The following MSL2 variants were observed in gnomAD, a reference collection of about 807,000 sequenced individuals.
MSL2 encodes E3 ubiquitin-protein ligase MSL2.
Under a neutral mutation model 35.8 loss-of-function variants are expected in MSL2, and 2 were observed. The ratio of observed to expected loss-of-function variants is 0.06; its 90% CI spans 0.02 to 0.18. The LOEUF (loss-of-function observed/expected upper bound fraction) is 0.18, where lower values mean the gene tolerates loss of function less well. Ranked by LOEUF, MSL2 falls within the 10% of genes least tolerant of loss-of-function variation. The probability of loss-of-function intolerance (pLI) is 1.00; values close to 1 mark genes in which losing one functional copy is unlikely to be tolerated. For synonymous variants in MSL2, 296 were observed against 255.7 expected, an observed-to-expected ratio of 1.16 and a Z score of -1.50; for missense variants, 523 against 706.7, an observed-to-expected ratio of 0.74 and a Z score of 2.95.
intron 1 of MSL2, among the ~76,000 whole-genome samples, chr3:136,177,388 C>T (rs1576369229): frequency 1.3e-5 from 2 of 152,024 alleles, no homozygotes; most frequent in South Asian, 2.1e-4. Context: ...AAAAATAATG[C>T]TACAGGCCGG....
At chr3:136,167,837 C>CA (rs1939894603) in intron 1 of MSL2, among the ~76,000 whole-genome samples, 1 of 152,122 alleles carries the variant, frequency 6.6e-6, no homozygotes, top group South Asian at 2.1e-4. Context: ...GTAATACCCT[C>CA]AATCAACTTT....
intron 1 of MSL2, among the ~76,000 whole-genome samples, chr3:136,164,436 A>G (rs1352125309): frequency 6.6e-6 from 1 of 152,254 alleles, no homozygotes; most frequent in Non-Finnish European, 1.5e-5. Flanking sequence ...CTGAAACTTA[A>G]CTATTAAAGA....
At chr3:136,184,053 T>C (rs1940440724) in intron 1 of MSL2, among the ~76,000 whole-genome samples, 2 of 152,142 alleles carry the variant, frequency 1.3e-5, no homozygotes. Flanking sequence ...CGCAGCACTT[T>C]GGGAGGCAAA....
At chr3:136,174,939 T>C (rs1381586512) in intron 1 of MSL2, among the ~76,000 whole-genome samples, 1 of 152,186 alleles carries the variant, frequency 6.6e-6, no homozygotes, top group Non-Finnish European at 1.5e-5. Context: ...ACTAAGCTGG[T>C]TTTCATTCAT....
intron 1 of MSL2, among the ~76,000 whole-genome samples, chr3:136,186,487 C>T (rs1217590623): frequency 6.6e-6 from 1 of 152,202 alleles, no homozygotes; most frequent in East Asian, 1.9e-4. Context: ...GAACTGGGTC[C>T]AGCAAGCAAA....
At chr3:136,166,645 T>A (rs1939862856) in intron 1 of MSL2, among the ~76,000 whole-genome samples, 1 of 152,108 alleles carries the variant, frequency 6.6e-6, no homozygotes, top group African/African-American at 2.4e-5. Context: ...AGCATCAAGA[T>A]TTACAGAGCA....
Position 136,151,732 on chromosome 3 carries a change from T to A in MSL2, c.1149A>T (p.Gln383His). Residue 383 changes from glutamine (Q) to histidine (H), a missense_variant, in exon 2 of 2, where the codon CAA becomes CAT. Transcript: ENST00000309993. This position sits in a 1 kb window ranked among gnomAD's most constrained non-coding sequence, Gnocchi z 5.2. ...TVKRESKISL[Q>H]PIATVPNGGT... is the part of the protein sequence containing the mutation. ...CTCCATTGGGAACAGTTGCTATAGGTTGAAGAGAAATTTTGCTCTCCCGTT... is the reference window on the plus strand; with the variant it reads ...CTCCATTGGGAACAGTTGCTATAGGATGAAGAGAAATTTTGCTCTCCCGTT... 6.2e-7 allele frequency: 1 copy of A among 1,614,152 alleles called. No homozygotes were observed. The highest frequency in any genetic ancestry group is 1.1e-5 in the South Asian group (1 of 91,082).
chr3:136,163,484 C>T (rs373237822), intron 1 of MSL2, among the ~76,000 whole-genome samples: 2 of 152,178 alleles, frequency 1.3e-5, no homozygotes, highest in Non-Finnish European at 2.9e-5. Context: ...GGAATCAGAG[C>T]TTCTTGGACA....
At chr3:136,159,314 AGGGT>A (rs1939628031) in intron 1 of MSL2, among the ~76,000 whole-genome samples, 2 of 149,528 alleles carry the variant, frequency 1.3e-5, no homozygotes, top group African/African-American at 4.9e-5. Flanking sequence ...TTTGTGCGAC[AGGGT>A]ATCCAGATGA....
chr3:136,151,981 A>T lies in MSL2; in HGVS notation c.900T>A (p.Asn300Lys). Reference protein sequence around the residue: ...LQPNLEATVSNGPFLQLSSQS... With the variant: ...LQPNLEATVSKGPFLQLSSQS... Reference sequence around the variant, plus strand: ...GGGAAGAAAGCTGCAGAAAAGGTCCATTGGATACAGTGGCTTCCAAGTTCG... The same window carrying T: ...GGGAAGAAAGCTGCAGAAAAGGTCCTTTGGATACAGTGGCTTCCAAGTTCG... The change falls in exon 2 of 2, where the codon AAT (asparagine) becomes AAA (lysine). Residue 300 changes from asparagine (N) to lysine (K), a missense_variant. Asn to Lys is a moderately conservative substitution (Grantham distance 94). Transcript: ENST00000309993. This position sits in a 1 kb window ranked among gnomAD's most constrained non-coding sequence, Gnocchi z 5.2. 6.2e-7 allele frequency: 1 copy of T among 1,614,242 alleles called. No individual in the cohort carries two copies. Among genetic ancestry groups the T allele is most frequent in the African/African-American group, 1.3e-5 (1 of 75,072 alleles).
At chr3:136,170,027 G>A (rs917660355) in intron 1 of MSL2, among the ~76,000 whole-genome samples, 1 of 150,652 alleles carries the variant, frequency 6.6e-6, no homozygotes, top group African/African-American at 2.4e-5. Context: ...CTCCAGCCTG[G>A]GCGACAGAGA....
rs879796857 is a variant in MSL2, at chr3:136,151,673, A to G, written c.1208T>C (p.Leu403Ser). The G allele has an allele frequency of 1.5e-5, 25 of 1,614,030 alleles. No homozygotes were observed. The highest frequency in any genetic ancestry group is 2.0e-5 in the Non-Finnish European group (24 of 1,180,050). ...ACTCTTTTTCATGCTTTTAGTAGAT[A>G]AAAGTACAGTTTTGCTGATTTTAGG... The part of the protein sequence containing the change: ...TTPKISKTVL[L>S]STKSMKKSHE... Residue 403 changes from leucine (L) to serine (S), a missense_variant, in exon 2 of 2, where the codon TTA (leucine) becomes TCA (serine). By Grantham distance (145) the Leu-to-Ser change is moderately radical (BLOSUM62 -2). Coordinates refer to ENST00000309993, the MANE Select transcript of MSL2 (RefSeq NM_018133.4). This position sits in a 1 kb window ranked among gnomAD's most constrained non-coding sequence, Gnocchi z 5.2.
rs183966875 is a variant in MSL2 at position 136,187,546 on chromosome 3, T to C, written c.142+7426A>G. On this transcript the variant is annotated intron_variant, in intron 1 of 1. Transcript: ENST00000309993. Reference sequence around the variant, plus strand: ...ATTAGCTGGGTGTGGCGGATGCCTGTAGAGTCCCAGCTACTCTAGGAGGCT... The same window carrying C: ...ATTAGCTGGGTGTGGCGGATGCCTGCAGAGTCCCAGCTACTCTAGGAGGCT... Among the ~76,000 whole-genome samples, 220 of 151,922 alleles carry C rather than the reference T, an allele frequency of 1.4e-3. 3 individuals are homozygous for C. The highest frequency in any genetic ancestry group is 4.7e-3 in the African/African-American group (194 of 41,430).
intron 1 of MSL2, among the ~76,000 whole-genome samples, chr3:136,158,832 CA>C (rs1939609556): frequency 6.6e-6 from 1 of 152,098 alleles, no homozygotes; most frequent in South Asian, 2.1e-4. Context: ...TAGGAATGAA[CA>C]AACTAATTTT....
At chr3:136,180,795 AG>A (rs1559969237) in intron 1 of MSL2, among the ~76,000 whole-genome samples, 1,520 of 62,634 alleles carry the variant, frequency 0.024, 79 homozygotes, top group Non-Finnish European at 0.032. Flanking sequence ...GGAGGGAGGG[AG>A]GGAGGGAGGG....
intron 1 of MSL2, among the ~76,000 whole-genome samples, chr3:136,189,721 C>CAAAAA (rs375444164): frequency 2.0e-5 from 1 of 50,212 alleles, no homozygotes; most frequent in African/African-American, 7.3e-5. Flanking sequence ...GACGCCGTCT[C>CAAAAA]AAAAAAAAAA....
chr3:136,165,183 T>TA (rs1283200879), intron 1 of MSL2, among the ~76,000 whole-genome samples: 18 of 106,182 alleles, frequency 1.7e-4, no homozygotes, highest in Admixed American at 7.1e-4. Context: ...CCCAGACTTT[T>TA]AAAAAAAAAT....
chr3:136,160,667 C>T lies in MSL2; in HGVS notation c.143-7929G>A, dbSNP rs12054118. On this transcript the variant is annotated intron_variant, in intron 1 of 1. Transcript: ENST00000309993. ...GGAGGTGCAGCGAGCCGAGACCATG[C>T]CATTGCACTCCAGCCTGGGAGACAC... Among the ~76,000 whole-genome samples the T allele has an allele frequency of 2.6e-4, 40 of 151,058 alleles. No homozygotes were observed. In the East Asian group the frequency reaches 5.1e-3, roughly 19 times the overall value.
intron 1 of MSL2, among the ~76,000 whole-genome samples, chr3:136,159,354 CTTTTTTTTTTT>C (rs71157361): frequency 1.9e-4 from 13 of 70,054 alleles, no homozygotes; most frequent in African/African-American, 6.1e-4. Flanking sequence ...AGAGTACTTT[CTTTTTTTTTTT>C]TTTTTTTTTT....
Sources: allele counts gnomAD v4.1 joint callset (sites outside exome capture counted in the v4.1 genomes callset), GRCh38; gene constraint gnomAD v4.1.1; non-coding constraint Gnocchi (gnomAD v3.1); transcripts MANE v1.5; gene names NCBI Gene and HGNC (gene_info 2026-07-23, HGNC 2026-07-21).